The following TOGARAM1 variants were observed in gnomAD, a reference collection of about 807,000 sequenced individuals.
The protein encoded by TOGARAM1 is TOG array regulator of axonemal microtubules protein 1.
A neutral mutation model predicts 166.6 loss-of-function variants in TOGARAM1; 100 were observed. The ratio of observed to expected loss-of-function variants is 0.60; its 90% CI spans 0.51 to 0.71. The LOEUF (loss-of-function observed/expected upper bound fraction) is 0.71. Ranked by LOEUF, TOGARAM1 falls within the 30% of genes least tolerant of loss-of-function variation. The pLI, the probability that TOGARAM1 is intolerant of heterozygous loss-of-function variation, is 0.00. For missense variants in TOGARAM1, 2,029 were observed against 2,102.7 expected (o/e 0.96, Z 0.69); for synonymous variants, 758 against 763.8 (o/e 0.99, Z 0.13).
At position 45,027,326 on chromosome 14, in the gene TOGARAM1, C is replaced by T. The variant is rs201747109; in HGVS notation, c.3356C>T (p.Pro1119Leu). 10 of 1,613,010 alleles carry T rather than the reference C, an allele frequency of 6.2e-6. No individual in the cohort carries two copies. The Admixed American group carries it at 1.0e-4, about 16-fold the overall frequency. The change falls in exon 9 of 20, where the codon CCA becomes CTA. Residue 1119 changes from proline to leucine, a missense_variant. Physicochemically the swap from Pro to Leu is moderately conservative, Grantham distance 98. Coordinates refer to ENST00000361462, the MANE Select transcript of TOGARAM1 (RefSeq NM_001308120.2). ...GTATTTGGAAGTTTAAGTTCAGCAC[C>T]AGCAACCTGCAGCCAATCAGTGATA... ...KGVFGSLSSA[P>L]ATCSQSVISS... is the part of the protein sequence containing the mutation.
chr14:45,047,223 C>T (rs1882109992), intron 14 of TOGARAM1, among the ~76,000 whole-genome samples: 1 of 151,816 alleles, frequency 6.6e-6, no homozygotes, highest in Non-Finnish European at 1.5e-5. Flanking sequence ...AACCCCGTCT[C>T]TACTAAAAAT....
rs755708259 is a variant in TOGARAM1 at position 44,962,195 on chromosome 14, G to C, written c.-227G>C. ...TGGAAGCAATCGGTTTGGTCACGTG[G>C]TGCCCTTGGTTACGCCCGGTGGCAG... On this transcript the variant is annotated 5_prime_UTR_variant, in exon 1 of 20. Transcript: ENST00000361462. 2.0e-6 allele frequency: 1 copy of C among 497,278 alleles called. No homozygotes were observed. Among genetic ancestry groups the C allele is most frequent in the Non-Finnish European group, 3.5e-6 (1 of 284,160 alleles). The allele number at this position is 497,278 out of a possible 1,614,324, so 30.8% of individuals were successfully genotyped here.
At position 44,999,424 on chromosome 14, in the gene TOGARAM1, A is replaced by T; in HGVS notation, c.2265A>T (p.Gln755His). ...AATGTGCACAACTTGGATTTTCACA[A>T]ATATGTGGTAAAACTGGCAGTGTGG... is the stretch of plus-strand genomic sequence containing the variant. ...SGKCAQLGFS[Q>H]ICGKTGSVGS... Residue 755 changes from glutamine (Q) to histidine (H), a missense_variant, in exon 3 of 20, where the codon CAA becomes CAT. Physicochemically the swap from Gln to His is conservative, Grantham distance 24. Transcript: ENST00000361462. 1 of 1,611,806 alleles carries T rather than the reference A, an allele frequency of 6.2e-7. No homozygotes were observed. Among genetic ancestry groups the T allele is most frequent in the Non-Finnish European group, 8.5e-7 (1 of 1,178,588 alleles).
intron 10 of TOGARAM1, among the ~76,000 whole-genome samples, chr14:45,031,449 G>A (rs1187038284): frequency 6.6e-6 from 1 of 152,092 alleles, no homozygotes; most frequent in Non-Finnish European, 1.5e-5. Flanking sequence ...TACTACACAT[G>A]GTCTTAGAAT....
At chr14:45,033,986 T>C (rs971158311) in intron 11 of TOGARAM1, among the ~76,000 whole-genome samples, 5 of 152,148 alleles carry the variant, frequency 3.3e-5, no homozygotes, top group Non-Finnish European at 2.9e-5. Context: ...AAACCTTGTC[T>C]GTACTAAAAA....
At chr14:44,993,509 T>C (rs1887252428) in intron 1 of TOGARAM1, among the ~76,000 whole-genome samples, 2 of 152,340 alleles carry the variant, frequency 1.3e-5, no homozygotes, top group Admixed American at 1.3e-4. Context: ...GTGCTTTAAA[T>C]AGACTGCTTC....
intron 11 of TOGARAM1, among the ~76,000 whole-genome samples, chr14:45,036,653 G>A (rs1881451573): frequency 6.6e-6 from 1 of 152,312 alleles, no homozygotes; most frequent in South Asian, 2.1e-4. Context: ...TGGGTCAAGA[G>A]ATCAGATATA....
chr14:44,993,541 C>G (rs758471909), intron 1 of TOGARAM1, among the ~76,000 whole-genome samples: 1 of 152,142 alleles, frequency 6.6e-6, no homozygotes, highest in Non-Finnish European at 1.5e-5. Flanking sequence ...CGTTAACTCA[C>G]AACTCTTTCA....
intron 6 of TOGARAM1, among the ~76,000 whole-genome samples, chr14:45,011,646 A>G (rs1330307018): frequency 1.4e-5 from 2 of 144,948 alleles, no homozygotes; most frequent in Non-Finnish European, 3.0e-5. Context: ...TTCTTGGATC[A>G]TTTTTTTTTT....
In TOGARAM1 at chr14:44,964,385, G is replaced by GA. The variant is rs1885398467; in HGVS notation, c.1970dup (p.Asn657LysfsTer2). 2 of 1,610,496 alleles carry GA rather than the reference G, an allele frequency of 1.2e-6. No homozygotes were observed. Among genetic ancestry groups the GA allele is most frequent in the East Asian group, 2.2e-5 (1 of 44,848 alleles). ...CGAAGGGTATTAAGTGCAGGAAAAG[G>GA]AAAAAATAAATTACCATGGGAAAAT... On this transcript the variant is annotated frameshift_variant, in exon 1 of 20. Transcript: ENST00000361462. LOFTEE classifies it high-confidence loss of function.
intron 14 of TOGARAM1, 29 bp downstream of exon 14, chr14:45,046,732 T>C: frequency 8.0e-7 from 1 of 1,251,632 alleles, no homozygotes; most frequent in Non-Finnish European, 1.0e-6. Flanking sequence ...TTGCTAAATC[T>C]ATTATTAATA....
At chr14:45,055,781 G>A (rs1458000711) in intron 16 of TOGARAM1, among the ~76,000 whole-genome samples, 12 of 138,388 alleles carry the variant, frequency 8.7e-5, no homozygotes, top group Admixed American at 7.4e-4. Flanking sequence ...TCCAGCCTGG[G>A]CAGAGTGAGA....
intron 11 of TOGARAM1, among the ~76,000 whole-genome samples, chr14:45,035,948 G>GAA (rs112836134): frequency 3.9e-5 from 4 of 101,600 alleles, no homozygotes; most frequent in Admixed American, 2.2e-4. Context: ...CTCATCTCTA[G>GAA]AAAAAAAAAA....
intron 11 of TOGARAM1, among the ~76,000 whole-genome samples, chr14:45,040,118 C>A (rs1280899379): frequency 6.6e-6 from 1 of 152,182 alleles, no homozygotes; most frequent in East Asian, 1.9e-4. Flanking sequence ...AAATTTTGTT[C>A]TCTGGAATTA....
At chr14:45,037,693 A>T (rs962044259) in intron 11 of TOGARAM1, among the ~76,000 whole-genome samples, 3 of 152,188 alleles carry the variant, frequency 2.0e-5, no homozygotes, top group Non-Finnish European at 4.4e-5. Context: ...TGGAACTTCA[A>T]TAATCCTCTC....
At chr14:45,067,824 G>A (rs1207434682) in intron 17 of TOGARAM1, among the ~76,000 whole-genome samples, 2 of 152,062 alleles carry the variant, frequency 1.3e-5, no homozygotes, top group Non-Finnish European at 2.9e-5. Context: ...TCACTCACCT[G>A]ACATGACTAA....
Position 44,964,289 on chromosome 14 carries a change from A to G in TOGARAM1, c.1868A>G (p.His623Arg). ...GCTGGTAACAGAACTCAGAGTGCAC[A>G]CTGTCACTGTGGTGACCACGTGAGG... ...LLAGNRTQSA[H>R]CHCGDHVRDS... Residue 623 changes from histidine to arginine, a missense_variant, in exon 1 of 20, where the codon CAC (histidine) becomes CGC (arginine). Physicochemically the swap from His to Arg is conservative, Grantham distance 29. Around this residue, in one of 2 missense-constraint regions of TOGARAM1, gnomAD observed 1,453 missense variants for 1,432.2 expected, o/e 1.01. Transcript: ENST00000361462. 2 of 1,614,202 alleles carry G rather than the reference A, an allele frequency of 1.2e-6. No individual in the cohort carries two copies. Among genetic ancestry groups the G allele is most frequent in the East Asian group, 2.2e-5 (1 of 44,886 alleles).
At chr14:45,028,119 G>T in intron 9 of TOGARAM1, 57 bp from the exon 10 acceptor site, 1 of 1,446,776 alleles carries the variant, frequency 6.9e-7, no homozygotes, top group Non-Finnish European at 9.3e-7. Flanking sequence ...CTGAGATGAA[G>T]ATATTTTAAA....
intron 2 of TOGARAM1, among the ~76,000 whole-genome samples, chr14:44,998,324 T>C (rs140101254): frequency 3.9e-4 from 60 of 152,310 alleles, no homozygotes; most frequent in African/African-American, 1.3e-3. Context: ...CTTGATTGGA[T>C]GATATGAATT....
Sources: gnomAD v4.1 joint callset for allele counts (sites outside exome capture counted in the v4.1 genomes callset) on GRCh38, gnomAD v4.1.1 for gene constraint, gnomAD v4.1.1 regional missense constraint, MANE v1.5 for transcripts, NCBI Gene and HGNC (gene_info 2026-07-23, HGNC 2026-07-21) for gene names.